The following SLC30A4 variants were observed in gnomAD, a reference collection of about 807,000 sequenced individuals.
SLC30A4 encodes the protein solute carrier family 30 member 4, also known as probable proton-coupled zinc antiporter SLC30A4.
A neutral mutation model predicts 41.7 loss-of-function variants in SLC30A4; 20 were observed. The observed-to-expected ratio is 0.48, with a 90% CI of 0.34 to 0.70. The LOEUF (loss-of-function observed/expected upper bound fraction) is 0.70. Ranked by LOEUF, SLC30A4 falls within the 30% of genes least tolerant of loss-of-function variation. SLC30A4 has a pLI of 0.01. For synonymous variants in SLC30A4, 181 were observed against 195.9 expected (o/e 0.92, Z 0.64); for missense variants, 441 against 529.3 (o/e 0.83, Z 1.64).
intron 3 of SLC30A4, among the ~76,000 whole-genome samples, chr15:45,493,447 T>C (rs1891848774): frequency 6.6e-6 from 1 of 152,192 alleles, no homozygotes; most frequent in Admixed American, 6.5e-5. Flanking sequence ...CTCTGACACA[T>C]TTTCATTTCA....
intron 3 of SLC30A4, 109 bp downstream of exon 3, chr15:45,511,029 G>A (rs1892276464): frequency 1.2e-6 from 1 of 843,442 alleles, no homozygotes; most frequent in African/African-American, 1.7e-5. Context: ...ATTTTCATTT[G>A]CTTTGTTCAA....
chr15:45,516,932 C>T (rs6493154), intron 2 of SLC30A4, among the ~76,000 whole-genome samples: 31,384 of 151,882 alleles, frequency 0.21, 4,752 homozygotes, highest in African/African-American at 0.43. Context: ...ATCTGTTTAT[C>T]GTATAAGAGA....
intron 2 of SLC30A4, among the ~76,000 whole-genome samples, chr15:45,517,939 C>A (rs561619065): frequency 6.6e-6 from 1 of 152,320 alleles, no homozygotes; most frequent in African/African-American, 2.4e-5. Flanking sequence ...AAGAGCGAGA[C>A]TCCGTCTCAA....
intron 3 of SLC30A4, among the ~76,000 whole-genome samples, chr15:45,495,587 A>T (rs1891893972): frequency 6.6e-6 from 1 of 152,250 alleles, no homozygotes; most frequent in Non-Finnish European, 1.5e-5. Flanking sequence ...TAAACCACTT[A>T]AAAATCGCCT....
chr15:45,511,797 T>C (rs1892301236), intron 2 of SLC30A4, among the ~76,000 whole-genome samples: 1 of 152,242 alleles, frequency 6.6e-6, no homozygotes, highest in Non-Finnish European at 1.5e-5. Context: ...TATCCATTTC[T>C]AGTAACACAT....
intron 2 of SLC30A4, among the ~76,000 whole-genome samples, chr15:45,517,084 A>G (rs187703429): frequency 6.6e-6 from 1 of 152,168 alleles, no homozygotes; most frequent in African/African-American, 2.4e-5. Context: ...AGGATGTTTT[A>G]GTTCTCATCT....
intron 3 of SLC30A4, among the ~76,000 whole-genome samples, chr15:45,506,617 TC>T (rs1892160409): frequency 6.6e-6 from 1 of 152,192 alleles, no homozygotes; most frequent in South Asian, 2.1e-4. Context: ...AGTTTTTTCT[TC>T]CAAATTTCCA....
chr15:45,500,609 G>GGTCT (rs3067045), intron 3 of SLC30A4, among the ~76,000 whole-genome samples: 9,928 of 135,794 alleles, frequency 0.073, 371 homozygotes, highest in Middle Eastern at 0.13. Context: ...CTATGTTAAG[G>GGTCT]GTCTGTCTAT....
intron 3 of SLC30A4, among the ~76,000 whole-genome samples, chr15:45,497,855 G>A (rs1011903750): frequency 1.3e-5 from 2 of 151,992 alleles, no homozygotes; most frequent in African/African-American, 4.8e-5. Context: ...TTTTATGTTT[G>A]TATACATATG....
chr15:45,504,393 A>G (rs1351152244), intron 3 of SLC30A4, among the ~76,000 whole-genome samples: 2 of 152,212 alleles, frequency 1.3e-5, no homozygotes, highest in Admixed American at 1.3e-4. Context: ...AAAAAGTATA[A>G]GTAGAGACGG....
intron 2 of SLC30A4, chr15:45,519,583 T>C (rs1892602672): frequency 6.6e-6 from 1 of 152,226 alleles, no homozygotes. Flanking sequence ...ATATTGTTAA[T>C]GCTTACCCTA....
At position 45,522,387 on chromosome 15, in the gene SLC30A4, C is replaced by T. The variant is rs773710480; in HGVS notation, c.-33G>A. 81 of 1,547,040 alleles carry T rather than the reference C, an allele frequency of 5.2e-5. 1 individual carries two copies. In the South Asian group the frequency reaches 9.3e-4, roughly 18 times the overall value. On this transcript the variant is annotated 5_prime_UTR_variant, in exon 2 of 8. Coordinates refer to ENST00000261867, the MANE Select transcript of SLC30A4 (RefSeq NM_013309.6). The stretch of plus-strand genomic sequence containing the variant: ...GCTGAGCGGCCGCGGTGCGGAACGG[C>T]TTGGGGGAGGCGGACGGCCGGCGGC...
chr15:45,504,054 T>C (rs1892098509), intron 3 of SLC30A4, among the ~76,000 whole-genome samples: 1 of 152,208 alleles, frequency 6.6e-6, no homozygotes, highest in Non-Finnish European at 1.5e-5. Context: ...TCCAGACCAT[T>C]TGGAGGAACT....
Position 45,482,377 on chromosome 15 carries a change from C to T in SLC30A4, c.*2786G>A, listed in dbSNP as rs1891615225. The T allele has an allele frequency of 6.6e-6, 1 of 151,542 alleles. No homozygotes were observed. The highest frequency in any genetic ancestry group is 6.6e-5 in the Admixed American group (1 of 15,192). 9.4% of individuals were successfully genotyped at this position (151,542 alleles called of 1,614,324 possible). ...GAGGCTGCAGTGAGCCCAACTGTGC[C>T]ACTGCACTCCAGCCTGGGTGACAGT... On this transcript the variant is annotated 3_prime_UTR_variant, in exon 8 of 8. Transcript: ENST00000261867.
In SLC30A4 at chr15:45,489,019, G is replaced by C. The variant is rs544739245; in HGVS notation, c.716C>G (p.Ser239Cys). 1.9e-6 allele frequency: 3 copies of C among 1,613,342 alleles called. No individual in the cohort carries two copies. In the South Asian group the frequency reaches 3.3e-5, roughly 18 times the overall value. Residue 239 changes from serine to cysteine, a missense_variant, in exon 5 of 8, where the codon TCT (serine) becomes TGT (cysteine). Transcript: ENST00000261867. Reference protein sequence around the residue: ...NVIMGFLLNQSGHRHSHSHSL... With the variant: ...NVIMGFLLNQCGHRHSHSHSL... Reference sequence around the variant, plus strand: ...GTGGGAATGGGAGTGACGGTGACCAGACTGGTTCAACAGAAACCCCATTCT... The same window carrying C: ...GTGGGAATGGGAGTGACGGTGACCACACTGGTTCAACAGAAACCCCATTCT...
intron 2 of SLC30A4, among the ~76,000 whole-genome samples, chr15:45,516,793 C>T (rs1382055859): frequency 6.6e-6 from 1 of 151,816 alleles, no homozygotes; most frequent in East Asian, 1.9e-4. Context: ...TCACTTGAAT[C>T]CGGGAGGTGG....
At chr15:45,498,068 A>G (rs990616671) in intron 3 of SLC30A4, among the ~76,000 whole-genome samples, 1 of 152,186 alleles carries the variant, frequency 6.6e-6, no homozygotes, top group Non-Finnish European at 1.5e-5. Context: ...TGTTCACTTA[A>G]CAAAACTCAG....
intron 3 of SLC30A4, among the ~76,000 whole-genome samples, chr15:45,500,573 A>G (rs538854891): frequency 6.6e-6 from 1 of 152,308 alleles, no homozygotes; most frequent in East Asian, 1.9e-4. Context: ...AGTCAGGTGT[A>G]CAACCAGTAC....
At position 45,482,335 on chromosome 15, in the gene SLC30A4, C is replaced by T. The variant is rs1018998095; in HGVS notation, c.*2828G>A. 3 of 151,716 alleles carry T rather than the reference C, an allele frequency of 2.0e-5. No individual in the cohort carries two copies. The highest frequency in any genetic ancestry group is 4.4e-5 in the Non-Finnish European group (3 of 68,008). The allele number at this position is 151,716 out of a possible 1,614,324, so 9.4% of individuals were successfully genotyped here. ...TTGGGAGGCTGAGATGGGAGGACCA[C>T]TTGAGCCTGGGAGGCAGAGGCTGCA... On this transcript the variant is annotated 3_prime_UTR_variant, in exon 8 of 8. Transcript: ENST00000261867.
Sources: allele counts gnomAD v4.1 joint callset (sites outside exome capture counted in the v4.1 genomes callset), GRCh38; gene constraint gnomAD v4.1.1; transcripts MANE v1.5; gene names NCBI Gene and HGNC (gene_info 2026-07-23, HGNC 2026-07-21).